The following CST8 variants were observed in gnomAD, a reference collection of about 807,000 sequenced individuals.
The protein encoded by CST8 is cystatin 8.
CST8 carries 20 observed loss-of-function variants against 11.8 expected under a neutral mutation model. That is an observed-to-expected ratio of 1.70 (90% CI 1.20 to 2.47). The LOEUF is 2.47. CST8 is among the 30% of genes most tolerant of loss of function. The pLI is 0.00. For synonymous variants in CST8, 77 were observed against 63.1 expected, an observed-to-expected ratio of 1.22 and a Z score of -1.05; for missense variants, 196 against 167.2, an observed-to-expected ratio of 1.17 and a Z score of -0.95.
rs935270605 is a variant in CST8, at chr20:23,491,629, CGAG to C, written c.-32_-30del. 8.6e-6 allele frequency: 13 copies of C among 1,519,596 alleles called. No individual in the cohort carries two copies. The highest frequency in any genetic ancestry group is 2.7e-5 in the African/African-American group (2 of 72,848). The allele number at this position is 1,519,596 out of a possible 1,614,324, so 94.1% of individuals were successfully genotyped here. A position where few individuals can be genotyped will look rare whatever the true frequency, so the allele number is the denominator to read the frequency against. On this transcript the variant is annotated 5_prime_UTR_variant, in exon 2 of 4. Transcript: ENST00000246012. ...GCCCACAGCTCCAGCCCTGAGACGA[CGAG>C]GAGGAGAGTCGACTTTGCCTCTTGC...
chr20:23,496,075 T>C, downstream of CST8: 1 of 605,820 alleles, frequency 1.7e-6, no homozygotes, highest in Non-Finnish European at 2.9e-6. Flanking sequence ...AAGATGGGCA[T>C]GTCCAGGTCC....
At chr20:23,492,559 CCCTGGT>C (rs1987920694) in intron 2 of CST8, among the ~76,000 whole-genome samples, 1 of 152,160 alleles carries the variant, frequency 6.6e-6, no homozygotes. Context: ...GGGGGCTGTC[CCCTGGT>C]CAGGCCTGTG....
Position 23,493,076 on chromosome 20 carries a change from G to A in CST8, c.345+5G>A. On this transcript the variant is annotated splice_donor_5th_base_variant and intron_variant, in intron 3 of 3. Transcript: ENST00000246012. Reference sequence around the variant, plus strand: ...GAAAACTCCAAGCTGAAAAGGGTAGGTGATGAACCACTCATCTGTGACGGC... The same window carrying A: ...GAAAACTCCAAGCTGAAAAGGGTAGATGATGAACCACTCATCTGTGACGGC... 1 of 1,528,460 alleles carries A rather than the reference G, an allele frequency of 6.5e-7. No individual in the cohort carries two copies. The highest frequency in any genetic ancestry group is 9.1e-7 in the Non-Finnish European group (1 of 1,102,486). The allele number at this position is 1,528,460 out of a possible 1,614,324, so 94.7% of individuals were successfully genotyped here.
At chr20:23,496,372 T>C (rs921782690), downstream of CST8, among the ~76,000 whole-genome samples, 3 of 152,030 alleles carry the variant, frequency 2.0e-5, no homozygotes, top group Admixed American at 2.0e-4. Context: ...GCAGGTTCCA[T>C]GATGCCCCCT....
chr20:23,492,563 G>C lies in CST8; in HGVS notation c.232-395G>C, dbSNP rs186351054. On this transcript the variant is annotated intron_variant, in intron 2 of 3. Coordinates refer to ENST00000246012, the MANE Select transcript of CST8 (RefSeq NM_005492.4). ...AATGTGGCTGAGGGGGCTGTCCCCTGGTCAGGCCTGTGTGAACCTGAGCAT... is the reference window on the plus strand; with the variant it reads ...AATGTGGCTGAGGGGGCTGTCCCCTCGTCAGGCCTGTGTGAACCTGAGCAT... 2.0e-5 allele frequency among the ~76,000 whole-genome samples: 3 copies of C among 152,296 alleles called. No homozygotes were observed. In the East Asian group the frequency reaches 5.8e-4, roughly 29 times the overall value.
intron 3 of CST8, among the ~76,000 whole-genome samples, chr20:23,495,195 T>G (rs1988006289): frequency 6.6e-6 from 1 of 152,230 alleles, no homozygotes; most frequent in Non-Finnish European, 1.5e-5. Flanking sequence ...CCACATTGTT[T>G]TTTTAATCTA....
At chr20:23,493,855 C>T (rs1324759516) in intron 3 of CST8, among the ~76,000 whole-genome samples, 2 of 152,174 alleles carry the variant, frequency 1.3e-5, no homozygotes, top group African/African-American at 4.8e-5. Flanking sequence ...GAGGTATTGA[C>T]AAACCCTGAT....
At chr20:23,497,840 G>A (rs954284566), downstream of CST8, among the ~76,000 whole-genome samples, 3 of 152,202 alleles carry the variant, frequency 2.0e-5, no homozygotes, top group Admixed American at 6.5e-5. Flanking sequence ...GTCATGTGGG[G>A]ATTATTACAA....
At chr20:23,496,318 G>GA (rs552068512), downstream of CST8, among the ~76,000 whole-genome samples, 1,327 of 152,110 alleles carry the variant, frequency 8.7e-3, 25 homozygotes, top group African/African-American at 0.031. Flanking sequence ...AGTATAAAGG[G>GA]AAAAATTTTA....
At chr20:23,500,226 A>G (rs1392468164), downstream of CST8, among the ~76,000 whole-genome samples, 1 of 152,192 alleles carries the variant, frequency 6.6e-6, no homozygotes, top group African/African-American at 2.4e-5. Flanking sequence ...AAATTTCAAC[A>G]TGAGACTTGG....
chr20:23,492,612 T>C (rs573914494), intron 2 of CST8, among the ~76,000 whole-genome samples: 4 of 152,310 alleles, frequency 2.6e-5, no homozygotes, highest in East Asian at 3.9e-4. Context: ...GAGCTGATGG[T>C]TCTGAAGAGC....
chr20:23,505,821 T>C, the CST8 span, among the ~76,000 whole-genome samples: 1 of 152,308 alleles, frequency 6.6e-6, no homozygotes, highest in African/African-American at 2.4e-5. Flanking sequence ...GAAATCTGCA[T>C]TTTAATGAGA....
chr20:23,506,526 T>G, the CST8 span, among the ~76,000 whole-genome samples: 1 of 152,180 alleles, frequency 6.6e-6, no homozygotes, highest in African/African-American at 2.4e-5. Flanking sequence ...TCAAGACACC[T>G]CCTCCTTTTG....
chr20:23,495,024 C>T (rs1988001123), intron 3 of CST8, among the ~76,000 whole-genome samples: 1 of 152,066 alleles, frequency 6.6e-6, no homozygotes, highest in South Asian at 2.1e-4. Flanking sequence ...TCTATGTGTT[C>T]TCATTGTTTA....
downstream of CST8, among the ~76,000 whole-genome samples, chr20:23,499,542 G>C (rs1388283155): frequency 6.6e-6 from 1 of 152,210 alleles, no homozygotes; most frequent in Non-Finnish European, 1.5e-5. Flanking sequence ...TGAATGCCCA[G>C]TGCTGTCTGG....
chr20:23,494,971 C>T (rs1000904377), intron 3 of CST8, among the ~76,000 whole-genome samples: 1 of 152,140 alleles, frequency 6.6e-6, no homozygotes, highest in Non-Finnish European at 1.5e-5. Context: ...CCCCCGCCCT[C>T]CATTCTCCAG....
chr20:23,493,284 G>A (rs1406722174), intron 3 of CST8, among the ~76,000 whole-genome samples: 1 of 152,142 alleles, frequency 6.6e-6, no homozygotes, highest in East Asian at 1.9e-4. Context: ...CTGCAGAAAG[G>A]ATGTTGTCAA....
At chr20:23,505,496 A>G in the CST8 span, among the ~76,000 whole-genome samples, 1 of 146,748 alleles carries the variant, frequency 6.8e-6, no homozygotes, top group Non-Finnish European at 1.5e-5. Flanking sequence ...ATATGGAACA[A>G]CTGCTAATTT....
intron 3 of CST8, among the ~76,000 whole-genome samples, 164 bp downstream of exon 3, chr20:23,493,235 C>T (rs766106311): frequency 1.3e-4 from 20 of 152,148 alleles, no homozygotes; most frequent in Non-Finnish European, 2.8e-4. Context: ...GGCCACGGAA[C>T]GTGGTGGAAC....
Sources: gnomAD v4.1 joint callset for allele counts (sites outside exome capture counted in the v4.1 genomes callset) on GRCh38, gnomAD v4.1.1 for gene constraint, MANE v1.5 for transcripts, NCBI Gene and HGNC (gene_info 2026-07-23, HGNC 2026-07-21) for gene names.